GRID2: variants seen among roughly 807,000 people sequenced by gnomAD.
The protein encoded by GRID2 is glutamate receptor ionotropic, delta-2.
Under a neutral mutation model 114.8 loss-of-function variants are expected in GRID2, and 33 were observed. The ratio of observed to expected loss-of-function variants is 0.29; its 90% confidence interval spans 0.22 to 0.38. The LOEUF (loss-of-function observed/expected upper bound fraction) is 0.38, where lower values mean the gene tolerates loss of function less well. GRID2 is among the 10% of genes least tolerant of loss of function. The probability of loss-of-function intolerance (pLI) is 1.00; values close to 1 mark genes in which losing one functional copy is unlikely to be tolerated. For missense variants in GRID2, 1,184 were observed against 1,257.7 expected (o/e 0.94, Z 0.89); for synonymous variants, 505 against 449.9 (o/e 1.12, Z -1.55).
At position 92,943,536 on chromosome 4, in the gene GRID2, A is replaced by T. The variant is rs574858300; in HGVS notation, c.245-141459A>T. 7.2e-5 allele frequency among the ~76,000 whole-genome samples: 11 copies of T among 152,086 alleles called. No individual in the cohort carries two copies. The South Asian group carries it at 2.3e-3, about 32-fold the overall frequency. On this transcript the variant is annotated intron_variant, in intron 2 of 15. Coordinates refer to ENST00000282020, the MANE Select transcript of GRID2 (RefSeq NM_001510.4). ...GCCATGGGTTCGAACTTCCTCCTTT[A>T]GCTCGGAGTAGTTTGATCGTCTGAA...
chr4:93,063,672 T>C (rs1408945396), intron 2 of GRID2, among the ~76,000 whole-genome samples: 22 of 151,816 alleles, frequency 1.4e-4, no homozygotes. Flanking sequence ...TAGTTTTGAA[T>C]TTTGAAATGA....
At chr4:92,322,097 A>G (rs1726344809) in intron 1 of GRID2, among the ~76,000 whole-genome samples, 1 of 152,204 alleles carries the variant, frequency 6.6e-6, no homozygotes, top group African/African-American at 2.4e-5. Flanking sequence ...ACATGAGATC[A>G]AATAGGGTTC....
At position 93,403,572 on chromosome 4, in the gene GRID2, C is replaced by T. The variant is rs114786881; in HGVS notation, c.1347+7864C>T. 8.6e-3 allele frequency among the ~76,000 whole-genome samples: 1,309 copies of T among 151,952 alleles called. 16 individuals are homozygous for T. The highest frequency in any genetic ancestry group is 0.03 in the African/African-American group (1,237 of 41,450). On this transcript the variant is annotated intron_variant, in intron 9 of 15. Transcript: ENST00000282020. Reference sequence around the variant, plus strand: ...AAATTAAAATGGGCAAAGATCTGAACAGTTCTGCAATGAAGATATATTTAT... The same window carrying T: ...AAATTAAAATGGGCAAAGATCTGAATAGTTCTGCAATGAAGATATATTTAT...
chr4:92,957,514 C>T lies in GRID2; in HGVS notation c.245-127481C>T, dbSNP rs115875036. 8.7e-3 allele frequency among the ~76,000 whole-genome samples: 1,324 copies of T among 152,030 alleles called. 17 individuals are homozygous for T. The highest frequency in any genetic ancestry group is 0.03 in the African/African-American group (1,248 of 41,482). On this transcript the variant is annotated intron_variant, in intron 2 of 15. Transcript: ENST00000282020. ...TTTTCTGTTCCATTGATCTATTTGT[C>T]TGTTCTCTTACCAATACCACACTCT...
chr4:93,294,106 TAAAAG>T (rs1754033279), intron 8 of GRID2, among the ~76,000 whole-genome samples: 1 of 152,072 alleles, frequency 6.6e-6, no homozygotes, highest in Non-Finnish European at 1.5e-5. Flanking sequence ...ATGACTGAGA[TAAAAG>T]TAAAGGAACA....
intron 4 of GRID2, among the ~76,000 whole-genome samples, chr4:93,169,143 T>TACACACACAC (rs33953002): frequency 1.6e-4 from 22 of 138,192 alleles, no homozygotes; most frequent in South Asian, 2.5e-4. Context: ...CACAATGAAA[T>TACACACACAC]ACACACACAC....
chr4:93,681,308 A>G (rs948107694), intron 14 of GRID2, among the ~76,000 whole-genome samples: 5 of 151,518 alleles, frequency 3.3e-5, no homozygotes, highest in South Asian at 2.1e-4. Flanking sequence ...AACATTCCAT[A>G]CTCATGGGTA....
intron 4 of GRID2, among the ~76,000 whole-genome samples, chr4:93,163,284 T>C (rs546952498): frequency 4.0e-5 from 6 of 148,348 alleles, no homozygotes; most frequent in African/African-American, 1.5e-4. Context: ...TAAACCAAAA[T>C]ATCAAGAGTG....
intron 14 of GRID2, among the ~76,000 whole-genome samples, chr4:93,721,920 CT>C (rs5860343): frequency 0.04 from 5,300 of 132,538 alleles, 279 homozygotes; most frequent in African/African-American, 0.14. Flanking sequence ...TTTCTTTTTT[CT>C]TTTTTTTTTT....
intron 14 of GRID2, among the ~76,000 whole-genome samples, chr4:93,732,461 A>G (rs975349174): frequency 2.6e-5 from 4 of 151,996 alleles, no homozygotes; most frequent in African/African-American, 9.7e-5. Flanking sequence ...GCCTGCTGCC[A>G]TTTCTCTCCT....
chr4:93,255,943 T>C (rs1749533607), intron 8 of GRID2, among the ~76,000 whole-genome samples: 1 of 152,082 alleles, frequency 6.6e-6, no homozygotes, highest in South Asian at 2.1e-4. Flanking sequence ...TATGTTATAG[T>C]TTATTGAAGT....
intron 10 of GRID2, among the ~76,000 whole-genome samples, chr4:93,450,480 T>C (rs896544117): frequency 2.0e-5 from 3 of 151,902 alleles, no homozygotes; most frequent in Admixed American, 1.3e-4. Context: ...CAATATAATG[T>C]TCTTAGCATT....
chr4:92,755,576 A>G (rs1737674602), intron 2 of GRID2, among the ~76,000 whole-genome samples: 1 of 152,114 alleles, frequency 6.6e-6, no homozygotes, highest in Non-Finnish European at 1.5e-5. Flanking sequence ...GACCTGGATG[A>G]TGAGTGATGA....
intron 11 of GRID2, among the ~76,000 whole-genome samples, chr4:93,464,541 C>G (rs1724086298): frequency 1.3e-5 from 2 of 152,052 alleles, no homozygotes; most frequent in Admixed American, 1.3e-4. Context: ...GTTAAATACC[C>G]TTGAAAGTGG....
chr4:92,408,981 T>C (rs6826363), intron 1 of GRID2, among the ~76,000 whole-genome samples: 53,746 of 151,930 alleles, frequency 0.35, 10,437 homozygotes, highest in African/African-American at 0.52. Context: ...TGCCTGATTG[T>C]TCCTGCTAGG....
At chr4:92,651,978 G>T (rs1012537132) in intron 2 of GRID2, among the ~76,000 whole-genome samples, 2 of 152,122 alleles carry the variant, frequency 1.3e-5, no homozygotes, top group South Asian at 2.1e-4. Context: ...AAGAAGGCAT[G>T]TGTCAGGAGT....
chr4:93,062,730 T>G (rs1484859747), intron 2 of GRID2, among the ~76,000 whole-genome samples: 1 of 152,006 alleles, frequency 6.6e-6, no homozygotes, highest in Non-Finnish European at 1.5e-5. Context: ...TAAAGTCAAT[T>G]CAACATTTTT....
Position 92,505,700 on chromosome 4 carries a change from C to T in GRID2, c.89-84431C>T, listed in dbSNP as rs565561363. ...TATTGCAGATGTTAATCAGAGAAGA[C>T]AGTAGGGATAAAGTGGAAGACCCAG... On this transcript the variant is annotated intron_variant, in intron 1 of 15. Coordinates refer to ENST00000282020, the MANE Select transcript of GRID2 (RefSeq NM_001510.4). Among the ~76,000 whole-genome samples the T allele has an allele frequency of 2.0e-5, 3 of 152,054 alleles. No individual in the cohort carries two copies. The South Asian group carries it at 6.2e-4, about 31-fold the overall frequency.
intron 14 of GRID2, among the ~76,000 whole-genome samples, chr4:93,637,884 T>C (rs1266171519): frequency 6.6e-6 from 1 of 152,180 alleles, no homozygotes; most frequent in Non-Finnish European, 1.5e-5. Context: ...TTCATAGTTC[T>C]TTGAGCAGCT....
Sources: allele counts gnomAD v4.1 joint callset (sites outside exome capture counted in the v4.1 genomes callset), GRCh38; gene constraint gnomAD v4.1.1; transcripts MANE v1.5; gene names NCBI Gene and HGNC (gene_info 2026-07-23, HGNC 2026-07-21).